Variants in SUDS3 observed in about 807,000 individuals in gnomAD.
SUDS3 encodes SIN3A corepressor complex component SDS3.
Under a neutral mutation model 53.5 loss-of-function variants are expected in SUDS3, and 23 were observed. The ratio of observed to expected loss-of-function variants is 0.43; its 90% CI spans 0.31 to 0.61. The LOEUF (loss-of-function observed/expected upper bound fraction) is 0.61. SUDS3 is among the 20% of genes least tolerant of loss of function. The probability of loss-of-function intolerance (pLI) is 0.10; values close to 1 mark genes in which losing one functional copy is unlikely to be tolerated. For missense variants in SUDS3, 291 were observed against 405.9 expected (o/e 0.72, Z 2.43); for synonymous variants, 150 against 148.5 (o/e 1.01, Z -0.08).
rs1342574606 is a variant in SUDS3, at chr12:118,380,216, T to C, written c.197T>C (p.Val66Ala). The C allele has an allele frequency of 6.2e-7, 1 of 1,607,552 alleles. No homozygotes were observed. The highest frequency in any genetic ancestry group is 1.3e-5 in the African/African-American group (1 of 74,892). Reference protein sequence around the residue: ...DLAKHDEEDYVEMKEQMYQDK... With the variant: ...DLAKHDEEDYAEMKEQMYQDK... ...GCAAAGCATGATGAAGAAGACTATG[T>C]AGAAATGAAGGAACAGTGAGTATGA... is the stretch of plus-strand genomic sequence containing the variant. The change falls in exon 2 of 12, where the codon GTA (valine) becomes GCA (alanine). Residue 66 changes from valine (V) to alanine (A), a missense_variant. Transcript: ENST00000543473.
chr12:118,391,082 T>A (rs1218645342), intron 5 of SUDS3, 44 bp from the exon 6 acceptor site: 2 of 1,605,532 alleles, frequency 1.2e-6, no homozygotes, highest in Admixed American at 1.7e-5. Flanking sequence ...GAGCCCTGGC[T>A]CCCAGGGCTG....
At chr12:118,412,120 G>A (rs1002127564) in intron 11 of SUDS3, among the ~76,000 whole-genome samples, 3 of 152,150 alleles carry the variant, frequency 2.0e-5, no homozygotes, top group African/African-American at 4.8e-5. Flanking sequence ...GGATGGATGG[G>A]GTCTGGTTTT....
Position 118,391,318 on chromosome 12 carries a change from C to G in SUDS3, c.517+36C>G. 3 of 1,577,598 alleles carry G rather than the reference C, an allele frequency of 1.9e-6. No individual in the cohort carries two copies. The East Asian group carries it at 6.7e-5, about 35-fold the overall frequency. On this transcript the variant is annotated intron_variant, in intron 6 of 11. Transcript: ENST00000543473. The stretch of plus-strand genomic sequence containing the variant: ...CCTATGGGGTGGGATCTTGGGGGCC[C>G]TGAGCGGGGGGGTGTGAAGGGCTGT...
chr12:118,415,256 T>A lies in SUDS3; in HGVS notation c.*823T>A, dbSNP rs1045411178. 6.6e-6 allele frequency: 1 copy of A among 152,222 alleles called. No homozygotes were observed. The highest frequency in any genetic ancestry group is 1.5e-5 in the Non-Finnish European group (1 of 68,050). The allele number at this position is 152,222 out of a possible 1,614,324, so 9.4% of individuals were successfully genotyped here. On this transcript the variant is annotated 3_prime_UTR_variant, in exon 12 of 12. Transcript: ENST00000543473. ...TTGTTCCCAAGTAGGTAGTAGTAAG[T>A]ATGTGCCACAGGCTGATTATCTGGG... is the stretch of plus-strand genomic sequence containing the variant.
intron 6 of SUDS3, among the ~76,000 whole-genome samples, chr12:118,396,154 G>A (rs1278220735): frequency 6.6e-6 from 1 of 152,184 alleles, no homozygotes; most frequent in East Asian, 1.9e-4. Flanking sequence ...GCCCTGGTTT[G>A]GAGGTAATTG....
intron 10 of SUDS3, among the ~76,000 whole-genome samples, chr12:118,405,990 C>G (rs930450823): frequency 6.6e-6 from 1 of 152,150 alleles, no homozygotes; most frequent in African/African-American, 2.4e-5. Flanking sequence ...ATTCAGGCAT[C>G]GCATCTTGGT....
At chr12:118,376,915 G>A in intron 1 of SUDS3, 82 bp downstream of exon 1, 2 of 1,348,692 alleles carry the variant, frequency 1.5e-6, no homozygotes, top group Non-Finnish European at 1.9e-6. Flanking sequence ...GGAGAGGGGC[G>A]GGGCGGCCTC....
Position 118,386,173 on chromosome 12 carries a change from A to C in SUDS3, c.328A>C (p.Ile110Leu). ...ACTAGATCAGCAGTACAAAGAGAGG[A>C]TACGGAATGCAGGTAAGGCTCCTTT... ...KKLDQQYKERIRNAELFLQLE... is the reference protein window; with the variant it reads ...KKLDQQYKERLRNAELFLQLE... Residue 110 changes from isoleucine to leucine, a missense_variant, in exon 4 of 12, where the codon ATA (isoleucine) becomes CTA (leucine). By Grantham distance (5) the Ile-to-Leu change is conservative. Transcript: ENST00000543473. 6.2e-7 allele frequency: 1 copy of C among 1,600,374 alleles called. No individual in the cohort carries two copies. Among genetic ancestry groups the C allele is most frequent in the South Asian group, 1.1e-5 (1 of 88,070 alleles).
At chr12:118,408,258 C>G (rs1055562099) in intron 10 of SUDS3, among the ~76,000 whole-genome samples, 1 of 151,674 alleles carries the variant, frequency 6.6e-6, no homozygotes, top group African/African-American at 2.4e-5. Context: ...GGTCTCGAAC[C>G]CCTGAGCTCA....
intron 10 of SUDS3, among the ~76,000 whole-genome samples, chr12:118,410,795 T>C (rs989181045): frequency 2.0e-5 from 3 of 151,714 alleles, no homozygotes; most frequent in East Asian, 1.9e-4. Context: ...GACGGGGTTT[T>C]ACCGTGTTAG....
intron 11 of SUDS3, among the ~76,000 whole-genome samples, chr12:118,412,471 G>C (rs1486897211): frequency 6.6e-6 from 1 of 152,194 alleles, no homozygotes; most frequent in Admixed American, 6.5e-5. Context: ...TTACTTAGAA[G>C]TTAGGGAGAG....
At chr12:118,400,865 A>G in intron 7 of SUDS3, 111 bp downstream of exon 7, 4 of 1,000,202 alleles carry the variant, frequency 4.0e-6, no homozygotes, top group African/African-American at 3.2e-5. Context: ...AAATAGTAAC[A>G]TTTAACTGGA....
chr12:118,394,714 C>G (rs1050568751), intron 6 of SUDS3, among the ~76,000 whole-genome samples: 1 of 152,172 alleles, frequency 6.6e-6, no homozygotes, highest in Non-Finnish European at 1.5e-5. Context: ...AAGACAGGGT[C>G]TCACTCCAGT....
chr12:118,415,540 A>G lies in SUDS3; in HGVS notation c.*1107A>G, dbSNP rs1160750942. The G allele has an allele frequency of 6.6e-6, 1 of 151,994 alleles. No homozygotes were observed. The highest frequency in any genetic ancestry group is 1.5e-5 in the Non-Finnish European group (1 of 68,026). The allele number at this position is 151,994 out of a possible 1,614,324, so 9.4% of individuals were successfully genotyped here. A position where few individuals can be genotyped will look rare whatever the true frequency, so the allele number is the denominator to read the frequency against. On this transcript the variant is annotated 3_prime_UTR_variant, in exon 12 of 12. Transcript: ENST00000543473. Reference sequence around the variant, plus strand: ...GAGTCCTGATGAAACAGCCTTTCCTACATCCTTCCCTCACTCCCATGATTG... The same window carrying G: ...GAGTCCTGATGAAACAGCCTTTCCTGCATCCTTCCCTCACTCCCATGATTG...
chr12:118,400,522 G>A (rs962574562), intron 6 of SUDS3, 137 bp from the exon 7 acceptor site: 9 of 752,106 alleles, frequency 1.2e-5, no homozygotes, highest in South Asian at 4.9e-5. Flanking sequence ...GTCTGGCTAC[G>A]ACCATGTGTA....
chr12:118,390,922 G>A (rs972034120), intron 5 of SUDS3: 17 of 668,668 alleles, frequency 2.5e-5, no homozygotes, highest in African/African-American at 2.5e-4. Flanking sequence ...TAGCAAGTGA[G>A]GTGTACTCAA....
chr12:118,400,878 G>T, intron 7 of SUDS3, 124 bp downstream of exon 7: 2 of 909,234 alleles, frequency 2.2e-6, no homozygotes, highest in Non-Finnish European at 3.5e-6. Context: ...TAACTGGAAA[G>T]CGTGTGTTAA....
intron 1 of SUDS3, among the ~76,000 whole-genome samples, chr12:118,379,452 A>G (rs1006564020): frequency 6.6e-6 from 1 of 152,230 alleles, no homozygotes; most frequent in Non-Finnish European, 1.5e-5. Context: ...AAAGAAAAGT[A>G]TACTGGAAGA....
At chr12:118,382,265 C>T (rs937198331) in intron 2 of SUDS3, among the ~76,000 whole-genome samples, 3 of 152,036 alleles carry the variant, frequency 2.0e-5, no homozygotes, top group African/African-American at 7.3e-5. Context: ...CCAGGCTGGT[C>T]TTGAACTCCT....
Sources: gnomAD v4.1 joint callset for allele counts (sites outside exome capture counted in the v4.1 genomes callset) on GRCh38, gnomAD v4.1.1 for gene constraint, MANE v1.5 for transcripts, NCBI Gene and HGNC (gene_info 2026-07-23, HGNC 2026-07-21) for gene names.